KLF3: variants seen among roughly 807,000 people sequenced by gnomAD.
KLF3 encodes the protein Krueppel-like factor 3.
A neutral mutation model predicts 32.7 loss-of-function variants in KLF3; 6 were observed. That is an observed-to-expected ratio of 0.18 (90% CI 0.10 to 0.36). KLF3 has a LOEUF of 0.36. KLF3 is among the 10% of genes least tolerant of loss of function. KLF3 has a pLI of 1.00. For missense variants in KLF3, 338 were observed against 449.7 expected, an observed-to-expected ratio of 0.75 and a Z score of 2.25; for synonymous variants, 145 against 172.8, an observed-to-expected ratio of 0.84 and a Z score of 1.26.
chr4:38,697,066 C>T lies in KLF3; in HGVS notation c.857-16C>T. 1 of 1,555,472 alleles carries T rather than the reference C, an allele frequency of 6.4e-7. No homozygotes were observed. Among genetic ancestry groups the T allele is most frequent in the East Asian group, 2.3e-5 (1 of 44,040 alleles). On this transcript the variant is annotated splice_polypyrimidine_tract_variant and intron_variant, in intron 5 of 5. Transcript: ENST00000261438. ...TACAGAAAAAAAAAATAGCTCTTTT[C>T]TTTTTCCTTTTGCAGGAGAAAAACC...
At chr4:38,665,087 C>T (rs1206211445) in intron 1 of KLF3, among the ~76,000 whole-genome samples, 2 of 151,086 alleles carry the variant, frequency 1.3e-5, no homozygotes, top group Admixed American at 6.6e-5. Context: ...TGGAAAGAAA[C>T]TTAGGGCAAT....
chr4:38,667,355 A>C (rs1308114651), intron 1 of KLF3, among the ~76,000 whole-genome samples: 7 of 152,182 alleles, frequency 4.6e-5, no homozygotes. Context: ...CTGGTAGATC[A>C]GTAGCCCAGA....
At chr4:38,670,293 T>G (rs1361153601) in intron 1 of KLF3, among the ~76,000 whole-genome samples, 1 of 152,216 alleles carries the variant, frequency 6.6e-6, no homozygotes, top group Non-Finnish European at 1.5e-5. Flanking sequence ...ATTGCCCTGC[T>G]TAGTCTGGGA....
intron 1 of KLF3, among the ~76,000 whole-genome samples, chr4:38,672,635 A>G (rs981796384): frequency 6.6e-6 from 1 of 152,140 alleles, no homozygotes; most frequent in African/African-American, 2.4e-5. Context: ...AGCAGGGGGC[A>G]GCTCGTGGGT....
chr4:38,677,803 A>G (rs909690190), intron 1 of KLF3, among the ~76,000 whole-genome samples: 1 of 152,160 alleles, frequency 6.6e-6, no homozygotes, highest in Admixed American at 6.5e-5. Flanking sequence ...AGTTGGAACC[A>G]ACACATTTAG....
chr4:38,681,601 G>A (rs1722527484), intron 2 of KLF3, among the ~76,000 whole-genome samples: 1 of 152,246 alleles, frequency 6.6e-6, no homozygotes, highest in African/African-American at 2.4e-5. Context: ...CCATGAAGGT[G>A]AGACATGGTG....
intron 1 of KLF3, among the ~76,000 whole-genome samples, chr4:38,666,870 C>T (rs560045004): frequency 8.6e-5 from 13 of 152,034 alleles, no homozygotes; most frequent in African/African-American, 2.9e-4. Flanking sequence ...CAGCAGTGCT[C>T]TATCTTTTTT....
intron 2 of KLF3, among the ~76,000 whole-genome samples, chr4:38,686,189 A>G (rs940315952): frequency 6.6e-6 from 1 of 152,070 alleles, no homozygotes. Flanking sequence ...TCATGTCTGT[A>G]ATCCTAGAAC....
chr4:38,693,786 C>T (rs1046371659), intron 4 of KLF3, among the ~76,000 whole-genome samples: 2 of 152,182 alleles, frequency 1.3e-5, no homozygotes, highest in African/African-American at 4.8e-5. Flanking sequence ...TAATTACTTA[C>T]ATTAATCAGC....
At position 38,680,676 on chromosome 4, in the gene KLF3, C is replaced by G. The variant is rs530847522; in HGVS notation, c.51C>G (p.Val17=). ...TCAAGCAAGAGGCCATGGACCCTGTCTCAGTGGTAAGTTTTCCAAGATTGA... is the reference window on the plus strand; with the variant it reads ...TCAAGCAAGAGGCCATGGACCCTGTGTCAGTGGTAAGTTTTCCAAGATTGA... ...VPVKQEAMDP[V]SVSYPSNYME... The change falls in exon 2 of 6, where the codon GTC becomes GTG. Residue 17 remains valine (V), a synonymous_variant. Transcript: ENST00000261438. 6 of 1,612,388 alleles carry G rather than the reference C, an allele frequency of 3.7e-6. No homozygotes were observed. Among genetic ancestry groups the G allele is most frequent in the Non-Finnish European group, 5.1e-6 (6 of 1,178,550 alleles).
At chr4:38,687,547 C>A (rs769848228) in intron 2 of KLF3, among the ~76,000 whole-genome samples, 5 of 152,122 alleles carry the variant, frequency 3.3e-5, no homozygotes, top group Admixed American at 2.0e-4. Context: ...TGGACCAGAT[C>A]TTGGGAAGGA....
intron 4 of KLF3, among the ~76,000 whole-genome samples, chr4:38,691,273 T>G (rs1722869497): frequency 6.6e-6 from 1 of 152,342 alleles, no homozygotes; most frequent in African/African-American, 2.4e-5. Flanking sequence ...GGGCTTTTCC[T>G]GCCATCTTGT....
intron 1 of KLF3, among the ~76,000 whole-genome samples, chr4:38,676,370 G>T (rs1260749139): frequency 6.6e-6 from 1 of 152,172 alleles, no homozygotes; most frequent in African/African-American, 2.4e-5. Flanking sequence ...GAACCCAGGA[G>T]GCAGAGGTTG....
Position 38,701,439 on chromosome 4 carries a change from C to G in KLF3, c.*4176C>G, listed in dbSNP as rs1241447714. 1.3e-5 allele frequency among the ~76,000 whole-genome samples: 2 copies of G among 152,132 alleles called. No individual in the cohort carries two copies. The highest frequency in any genetic ancestry group is 4.8e-5 in the African/African-American group (2 of 41,426). On this transcript the variant is annotated 3_prime_UTR_variant, in exon 6 of 6. Coordinates refer to ENST00000261438, the MANE Select transcript of KLF3 (RefSeq NM_016531.6). The stretch of plus-strand genomic sequence containing the variant: ...ACTTTAAACTTTTAGAGTAAAATAT[C>G]AAGACTCTCATGTTGGGGAGTGGGG...
At chr4:38,667,767 C>T (rs527992702) in intron 1 of KLF3, among the ~76,000 whole-genome samples, 1 of 152,310 alleles carries the variant, frequency 6.6e-6, no homozygotes, top group African/African-American at 2.4e-5. Context: ...GGCCCACCCT[C>T]GTTCACGTTT....
At chr4:38,669,858 A>ACTGCAGCCT (rs1480161158) in intron 1 of KLF3, among the ~76,000 whole-genome samples, 1 of 126,802 alleles carries the variant, frequency 7.9e-6, no homozygotes, top group Non-Finnish European at 1.6e-5. Context: ...GTGCCACTGC[A>ACTGCAGCCT]CTGCAGCCTG....
intron 1 of KLF3, among the ~76,000 whole-genome samples, chr4:38,669,517 A>C (rs548555526): frequency 2.6e-5 from 4 of 152,240 alleles, no homozygotes; most frequent in Admixed American, 1.3e-4. Context: ...TCTTTGCTTG[A>C]AATTTAGTAG....
intron 2 of KLF3, chr4:38,681,059 C>CA (rs545371823): frequency 0.18 from 21,313 of 120,356 alleles, 1,618 homozygotes; most frequent in Admixed American, 0.28. Context: ...AAGTCCGTCT[C>CA]AAAAAAAAAA....
intron 4 of KLF3, among the ~76,000 whole-genome samples, chr4:38,691,808 C>T (rs954856651): frequency 6.6e-6 from 1 of 152,166 alleles, no homozygotes; most frequent in Admixed American, 6.5e-5. Context: ...GATTAAGTAA[C>T]GTCTTGGAGT....
Sources: allele counts gnomAD v4.1 joint callset (sites outside exome capture counted in the v4.1 genomes callset), GRCh38; gene constraint gnomAD v4.1.1; transcripts MANE v1.5; gene names NCBI Gene and HGNC (gene_info 2026-07-23, HGNC 2026-07-21).